FHIT: variants seen among roughly 807,000 people sequenced by gnomAD.
The protein encoded by FHIT is bis(5'-adenosyl)-triphosphatase.
In FHIT, 19 loss-of-function variants were observed where a neutral mutation model predicts 17.9. The observed-to-expected ratio is 1.06, with a 90% CI of 0.74 to 1.56. The LOEUF (loss-of-function observed/expected upper bound fraction) is 1.56, where lower values mean the gene tolerates loss of function less well. FHIT is among the 40% of genes most tolerant of loss of function. FHIT has a pLI of 0.00. For missense variants in FHIT, 248 were observed against 189.2 expected (o/e 1.31, Z -1.82); for synonymous variants, 81 against 69.7 (o/e 1.16, Z -0.81).
At chr3:60,162,042 G>C (rs559161394) in intron 5 of FHIT, among the ~76,000 whole-genome samples, 1 of 152,264 alleles carries the variant, frequency 6.6e-6, no homozygotes, top group South Asian at 2.1e-4. Flanking sequence ...ATCACCAGGA[G>C]AAATGTATGG....
chr3:59,769,931 CAGT>C (rs1701994239), intron 8 of FHIT, among the ~76,000 whole-genome samples: 1 of 152,184 alleles, frequency 6.6e-6, no homozygotes, highest in Non-Finnish European at 1.5e-5. Flanking sequence ...GGAGAAATGA[CAGT>C]AGAAGGAATT....
At chr3:60,849,292 G>A (rs531743842) in intron 3 of FHIT, among the ~76,000 whole-genome samples, 14 of 151,832 alleles carry the variant, frequency 9.2e-5, no homozygotes, top group Non-Finnish European at 1.9e-4. Flanking sequence ...TGGCCCTTCC[G>A]TGTACCAACG....
At chr3:60,578,965 A>C (rs1553658693) in intron 4 of FHIT, among the ~76,000 whole-genome samples, 1 of 152,166 alleles carries the variant, frequency 6.6e-6, no homozygotes, top group Admixed American at 6.5e-5. Context: ...TCACAAGAAA[A>C]AGGGAATTTT....
At chr3:59,851,538 A>G (rs1701935334) in intron 8 of FHIT, among the ~76,000 whole-genome samples, 1 of 152,234 alleles carries the variant, frequency 6.6e-6, no homozygotes, top group South Asian at 2.1e-4. Flanking sequence ...ACCCAGGTTT[A>G]GCCAACTCCA....
At chr3:60,976,699 C>G (rs953357518) in intron 3 of FHIT, among the ~76,000 whole-genome samples, 2 of 152,130 alleles carry the variant, frequency 1.3e-5, no homozygotes, top group Non-Finnish European at 2.9e-5. Flanking sequence ...ACACATGAAA[C>G]AAAATATTCC....
At chr3:60,135,847 A>G (rs1486665729) in intron 5 of FHIT, among the ~76,000 whole-genome samples, 2 of 152,136 alleles carry the variant, frequency 1.3e-5, no homozygotes, top group East Asian at 3.9e-4. Context: ...TGGATTCTTA[A>G]TGGTGTCTGT....
At chr3:59,926,287 T>C (rs1455361583) in intron 7 of FHIT, among the ~76,000 whole-genome samples, 4 of 152,246 alleles carry the variant, frequency 2.6e-5, no homozygotes, top group Non-Finnish European at 4.4e-5. Flanking sequence ...GTAACACTTC[T>C]GTACACTTTT....
At chr3:60,573,454 G>A (rs185387638) in intron 4 of FHIT, among the ~76,000 whole-genome samples, 2 of 151,060 alleles carry the variant, frequency 1.3e-5, no homozygotes, top group African/African-American at 2.5e-5. Flanking sequence ...GTATAGAAAG[G>A]AGAGTCTCAA....
intron 4 of FHIT, among the ~76,000 whole-genome samples, chr3:60,771,422 G>A (rs78738346): frequency 0.012 from 1,865 of 152,266 alleles, 21 homozygotes; most frequent in Non-Finnish European, 0.018. Context: ...AAACAGGAAC[G>A]GAGTGGTCTG....
At chr3:60,309,190 G>T (rs1708822404) in intron 5 of FHIT, among the ~76,000 whole-genome samples, 1 of 152,032 alleles carries the variant, frequency 6.6e-6, no homozygotes, top group Non-Finnish European at 1.5e-5. Context: ...GCAGCGGAAG[G>T]TTTGGAACCA....
chr3:60,379,812 T>C (rs1272754230), intron 5 of FHIT, among the ~76,000 whole-genome samples: 2 of 152,136 alleles, frequency 1.3e-5, no homozygotes, highest in Non-Finnish European at 2.9e-5. Flanking sequence ...ATAAATGAAA[T>C]TGAGGGAGAC....
intron 5 of FHIT, among the ~76,000 whole-genome samples, chr3:60,144,135 G>C (rs1356077119): frequency 3.3e-5 from 5 of 152,198 alleles, no homozygotes; most frequent in African/African-American, 7.2e-5. Flanking sequence ...GTGTTGATTT[G>C]AGTTGCTTCT....
chr3:60,057,920 C>T (rs1055439842), intron 5 of FHIT, among the ~76,000 whole-genome samples: 56 of 152,022 alleles, frequency 3.7e-4, no homozygotes, highest in African/African-American at 1.3e-3. Flanking sequence ...CTTGGCAATA[C>T]TCATCATCTC....
intron 2 of FHIT, among the ~76,000 whole-genome samples, chr3:61,174,060 G>A (rs1043542809): frequency 1.3e-5 from 2 of 152,228 alleles, no homozygotes; most frequent in African/African-American, 2.4e-5. Flanking sequence ...AGGGGAGTGT[G>A]GGAGGATCCC....
intron 2 of FHIT, among the ~76,000 whole-genome samples, chr3:61,122,525 A>C (rs781289601): frequency 6.6e-6 from 1 of 152,234 alleles, no homozygotes; most frequent in South Asian, 2.1e-4. Flanking sequence ...TAAACTAAAG[A>C]GCTTCTGCAC....
rs182475581 is a variant in FHIT, at chr3:61,244,442, A to G, written c.-213+6859T>C. ...TGTCCATCAAATTTAGAAAGACTCA[A>G]TTGCATGGGATGAAATATATCTATT... On this transcript the variant is annotated intron_variant, in intron 1 of 9. Transcript: ENST00000492590. Among the ~76,000 whole-genome samples, 198 of 152,328 alleles carry G rather than the reference A, an allele frequency of 1.3e-3. No individual in the cohort carries two copies. In the Middle Eastern group the frequency reaches 0.024, roughly 18 times the overall value.
chr3:60,172,841 C>G (rs909008937), intron 5 of FHIT, among the ~76,000 whole-genome samples: 3 of 152,072 alleles, frequency 2.0e-5, no homozygotes, highest in Non-Finnish European at 4.4e-5. Context: ...CCAATTTACT[C>G]CATTAAAGAA....
At chr3:60,474,139 G>A (rs970227868) in intron 5 of FHIT, among the ~76,000 whole-genome samples, 5 of 152,202 alleles carry the variant, frequency 3.3e-5, no homozygotes, top group Non-Finnish European at 1.5e-5. Flanking sequence ...AATCAAGGAA[G>A]ATGAAGGAGA....
At chr3:59,902,974 C>A (rs969335873) in intron 8 of FHIT, among the ~76,000 whole-genome samples, 3 of 152,036 alleles carry the variant, frequency 2.0e-5, no homozygotes, top group Non-Finnish European at 4.4e-5. Context: ...AAGGTAACTA[C>A]GTGAGGTAAA....
Sources: gnomAD v4.1 joint callset for allele counts (sites outside exome capture counted in the v4.1 genomes callset) on GRCh38, gnomAD v4.1.1 for gene constraint, MANE v1.5 for transcripts, NCBI Gene and HGNC (gene_info 2026-07-23, HGNC 2026-07-21) for gene names.